Variants in GRTP1 observed in about 807,000 individuals in gnomAD.
GRTP1 encodes the protein growth hormone regulated TBC protein 1, also known as growth hormone-regulated TBC protein 1.
GRTP1 carries 56 observed loss-of-function variants against 38.1 expected under a neutral mutation model. The observed-to-expected ratio is 1.47, with a 90% CI of 1.19 to 1.84. The LOEUF is 1.84. GRTP1 is among the 40% of genes most tolerant of loss of function. The probability of loss-of-function intolerance (pLI) is 0.00; values close to 1 mark genes in which losing one functional copy is unlikely to be tolerated. For missense variants in GRTP1, 506 were observed against 453.9 expected, an observed-to-expected ratio of 1.11 and a Z score of -1.04; for synonymous variants, 217 against 189.5, an observed-to-expected ratio of 1.14 and a Z score of -1.19.
rs2043061060 is a variant in GRTP1 at position 113,343,852 on chromosome 13, AGCCAGGCTGGGGAAGG to A, written c.562+995_562+1010del. On this transcript the variant is annotated intron_variant, in intron 5 of 7. Coordinates refer to ENST00000375431, the MANE Select transcript of GRTP1 (RefSeq NM_024719.4). This position sits in a 1 kb window ranked among gnomAD's most constrained non-coding sequence, Gnocchi z 4.8. ...CGCAGCCCCCTTGACCCAGCACCAC[AGCCAGGCTGGGGAAGG>A]GCAGAGTGGTCTCAGCCCCAGGCCC... Among the ~76,000 whole-genome samples the A allele has an allele frequency of 6.6e-6, 1 of 152,154 alleles. No individual in the cohort carries two copies. The highest frequency in any genetic ancestry group is 2.1e-4 in the South Asian group (1 of 4,824).
At chr13:113,336,674 A>AC (rs2042959893) in intron 5 of GRTP1, among the ~76,000 whole-genome samples, 1 of 151,982 alleles carries the variant, frequency 6.6e-6, no homozygotes, top group South Asian at 2.1e-4. Context: ...GGAACACGAG[A>AC]CCCCACCTGA....
intron 7 of GRTP1, 67 bp downstream of exon 7, chr13:113,325,594 A>G (rs751186343): frequency 1.9e-6 from 3 of 1,611,688 alleles, no homozygotes; most frequent in Non-Finnish European, 8.5e-7. Flanking sequence ...TGGTCAGAGC[A>G]GCCCCCGGGC....
intron 7 of GRTP1, chr13:113,325,056 C>T: frequency 1.1e-6 from 1 of 918,544 alleles, no homozygotes; most frequent in East Asian, 1.1e-4. Flanking sequence ...TCTTGAACTC[C>T]TGACCTCAGG....
chr13:113,347,579 C>T lies in GRTP1; in HGVS notation c.466-2620G>A, dbSNP rs1366450810. ...GTGGCAGAGAGCAGACCCAGGAGGA[C>T]CTCTGTGGCTGAGAACAGACCCGGG... On this transcript the variant is annotated intron_variant, in intron 4 of 7. Coordinates refer to ENST00000375431, the MANE Select transcript of GRTP1 (RefSeq NM_024719.4). Among the ~76,000 whole-genome samples, 78 of 71,606 alleles carry T rather than the reference C, an allele frequency of 1.1e-3. 5 individuals are homozygous for T. Among genetic ancestry groups the T allele is most frequent in the Non-Finnish European group, 1.8e-3 (56 of 30,522 alleles). 47.0% of individuals were successfully genotyped at this position (71,606 alleles called of 152,430 possible). A position where few individuals can be genotyped will look rare whatever the true frequency, so the allele number is the denominator to read the frequency against.
chr13:113,329,189 C>T (rs1595474000), intron 5 of GRTP1, among the ~76,000 whole-genome samples: 1 of 152,184 alleles, frequency 6.6e-6, no homozygotes, highest in Non-Finnish European at 1.5e-5. Context: ...CAGGGGAAGA[C>T]CTTTCTTCCT....
intron 5 of GRTP1, among the ~76,000 whole-genome samples, chr13:113,327,292 C>G (rs1035902346): frequency 6.6e-5 from 10 of 152,190 alleles, no homozygotes; most frequent in Non-Finnish European, 1.5e-4. Flanking sequence ...AATTCTCCTG[C>G]CTTAGCCTCC....
rs1566427439 is a variant in GRTP1, at chr13:113,344,935, G to C, written c.490C>G (p.Leu164Val). The change falls in exon 5 of 8, where the codon CTG (leucine) becomes GTG (valine). Residue 164 changes from leucine (L) to valine (V), a missense_variant. Coordinates refer to ENST00000375431, the MANE Select transcript of GRTP1 (RefSeq NM_024719.4). ...CQGMNFIAGY[L>V]ILITNNEEES... ...TCTTCATTATTTGTTATAAGAATCAGATATCCTGCTATAAAATTCATTCCC... is the reference window on the plus strand; with the variant it reads ...TCTTCATTATTTGTTATAAGAATCACATATCCTGCTATAAAATTCATTCCC... 3 of 1,596,674 alleles carry C rather than the reference G, an allele frequency of 1.9e-6. No individual in the cohort carries two copies. Among genetic ancestry groups the C allele is most frequent in the Non-Finnish European group, 2.6e-6 (3 of 1,173,366 alleles).
chr13:113,347,298 G>A (rs1421662388), intron 4 of GRTP1, among the ~76,000 whole-genome samples: 5 of 68,792 alleles, frequency 7.3e-5, no homozygotes, highest in East Asian at 3.2e-4. Context: ...GTGGCTGAGC[G>A]GATCTGGGAG....
At chr13:113,350,078 C>T (rs978535998) in intron 4 of GRTP1, among the ~76,000 whole-genome samples, 1 of 152,120 alleles carries the variant, frequency 6.6e-6, no homozygotes, top group African/African-American at 2.4e-5. Flanking sequence ...ACCTGGAAAC[C>T]CTCGTGGAGG....
intron 5 of GRTP1, 88 bp from the exon 6 acceptor site, chr13:113,326,179 G>A (rs2042765830): frequency 6.6e-7 from 1 of 1,514,276 alleles, no homozygotes; most frequent in Admixed American, 1.9e-5. Flanking sequence ...AAGACAACAG[G>A]GCCACCCTGG....
chr13:113,347,311 C>T (rs1475852603), intron 4 of GRTP1, among the ~76,000 whole-genome samples: 1 of 60,592 alleles, frequency 1.7e-5, no homozygotes, highest in Non-Finnish European at 3.2e-5. Context: ...TCTGGGAGGA[C>T]CTCTGTGGCA....
chr13:113,333,369 A>T (rs991965328), intron 5 of GRTP1, among the ~76,000 whole-genome samples: 1 of 152,236 alleles, frequency 6.6e-6, no homozygotes, highest in African/African-American at 2.4e-5. Flanking sequence ...GATGGGATCC[A>T]GTCACAACCT....
chr13:113,350,613 G>A (rs893666527), intron 4 of GRTP1, among the ~76,000 whole-genome samples: 16 of 151,872 alleles, frequency 1.1e-4, no homozygotes, highest in African/African-American at 2.4e-4. Context: ...CACAGCACTC[G>A]CCCTCTGTGT....
chr13:113,345,067 C>A, intron 4 of GRTP1, 108 bp from the exon 5 acceptor site: 2 of 1,246,400 alleles, frequency 1.6e-6, no homozygotes, highest in Non-Finnish European at 2.2e-6. Flanking sequence ...CTTGCTTCTC[C>A]TTAAAACCTG....
chr13:113,329,744 T>C (rs2042829872), intron 5 of GRTP1, among the ~76,000 whole-genome samples: 1 of 152,244 alleles, frequency 6.6e-6, no homozygotes, highest in Non-Finnish European at 1.5e-5. Context: ...CGACCCAGGC[T>C]TGCACCAAAA....
intron 5 of GRTP1, among the ~76,000 whole-genome samples, chr13:113,333,010 C>G (rs529164610): frequency 6.6e-6 from 1 of 152,288 alleles, no homozygotes; most frequent in African/African-American, 2.4e-5. Context: ...ATTTTGAGGG[C>G]GGGGACATAA....
intron 3 of GRTP1, among the ~76,000 whole-genome samples, chr13:113,351,448 A>G (rs1309876173): frequency 6.6e-6 from 1 of 152,142 alleles, no homozygotes; most frequent in African/African-American, 2.4e-5. Flanking sequence ...GACTCCTCAG[A>G]GATAAAGGAC....
chr13:113,360,525 G>A (rs1008520589), intron 2 of GRTP1, among the ~76,000 whole-genome samples: 25 of 152,106 alleles, frequency 1.6e-4, no homozygotes, highest in Admixed American at 1.2e-3. Flanking sequence ...GGAATAACTC[G>A]TCCACTCCAG....
intron 2 of GRTP1, chr13:113,360,417 A>T (rs1038313880): frequency 3.9e-5 from 6 of 152,262 alleles, no homozygotes; most frequent in Non-Finnish European, 8.8e-5. Flanking sequence ...AGACTTTAAC[A>T]TGGGGAGTGC....
Sources: gnomAD v4.1 joint callset for allele counts (sites outside exome capture counted in the v4.1 genomes callset) on GRCh38, gnomAD v4.1.1 for gene constraint, Gnocchi (gnomAD v3.1) non-coding constraint, MANE v1.5 for transcripts, NCBI Gene and HGNC (gene_info 2026-07-23, HGNC 2026-07-21) for gene names.